The following NHS variants were observed in gnomAD, a reference collection of about 807,000 sequenced individuals.
NHS encodes the protein actin remodeling regulator NHS.
NHS carries 5 observed loss-of-function variants against 72.5 expected under a neutral mutation model. The ratio of observed to expected loss-of-function variants is 0.07; its 90% CI spans 0.04 to 0.14. The LOEUF is 0.14. NHS is among the 10% of genes least tolerant of loss of function. The pLI is 1.00. For missense variants in NHS, 1,072 were observed against 1,355.7 expected (o/e 0.79, Z 3.29); for synonymous variants, 464 against 547.7 (o/e 0.85, Z 2.13).
intron 1 of NHS, among the ~76,000 whole-genome samples, chrX:17,440,885 GT>G (rs1202393806): frequency 9.0e-6 from 1 of 111,435 alleles, no homozygotes. Context: ...AGAGTCAATG[GT>G]GCCATTGTTG....
At chrX:17,540,143 G>A (rs896347157) in intron 1 of NHS, among the ~76,000 whole-genome samples, 2 of 111,894 alleles carry the variant, frequency 1.8e-5, no homozygotes, top group East Asian at 5.6e-4. Context: ...TTTCTCATTC[G>A]TTAATAATCT....
At position 17,697,106 on chromosome X, in the gene NHS, C is replaced by G. The variant is rs140822997; in HGVS notation, c.852+4638C>G. 2.3e-3 allele frequency among the ~76,000 whole-genome samples: 252 copies of G among 111,112 alleles called. 2 individuals are homozygous for G. Among genetic ancestry groups the G allele is most frequent in the Admixed American group, 0.016 (165 of 10,455 alleles). On this transcript the variant is annotated intron_variant, in intron 3 of 8. Transcript: ENST00000676302. ...TAAAAGTATGCATATTTTACAGGAG[C>G]AGTTTTCTCTATATAAAGCTTCTGG...
Position 17,386,381 on chromosome X carries a change from C to T in NHS, c.565+10059C>T, listed in dbSNP as rs757171513. 2.7e-5 allele frequency among the ~76,000 whole-genome samples: 3 copies of T among 111,398 alleles called. No individual in the cohort carries two copies. The East Asian group carries it at 8.5e-4, about 31-fold the overall frequency. On this transcript the variant is annotated intron_variant, in intron 1 of 8. Transcript: ENST00000676302. ...CCTGTCTTTATAAGAATGTCCCAGGCCAGGCGTAGTGGCTCATGCCTCTAA... is the reference window on the plus strand; with the variant it reads ...CCTGTCTTTATAAGAATGTCCCAGGTCAGGCGTAGTGGCTCATGCCTCTAA...
At chrX:17,667,178 A>T (rs1452226501) in intron 1 of NHS, among the ~76,000 whole-genome samples, 1 of 112,559 alleles carries the variant, frequency 8.9e-6, no homozygotes, top group Non-Finnish European at 1.9e-5. Flanking sequence ...AGGCTTTAAT[A>T]TTTATAATCT....
chrX:17,554,022 G>C (rs970552757), intron 1 of NHS, among the ~76,000 whole-genome samples: 5 of 111,893 alleles, frequency 4.5e-5, no homozygotes, highest in African/African-American at 1.3e-4. Flanking sequence ...CTTCATTTTG[G>C]CCATTCTGGT....
intron 1 of NHS, among the ~76,000 whole-genome samples, chrX:17,633,101 G>C (rs2065828094): frequency 9.0e-6 from 1 of 111,371 alleles, no homozygotes; most frequent in Admixed American, 9.5e-5. Context: ...TAGCGGGGGC[G>C]TTGCCCAATT....
intron 1 of NHS, among the ~76,000 whole-genome samples, chrX:17,519,068 T>A (rs1448071056): frequency 8.9e-6 from 1 of 111,965 alleles, no homozygotes; most frequent in Non-Finnish European, 1.9e-5. Context: ...TTCTAGTAAG[T>A]GTTCAATATG....
intron 1 of NHS, among the ~76,000 whole-genome samples, chrX:17,441,812 A>G (rs972846731): frequency 1.8e-5 from 2 of 112,197 alleles, no homozygotes; most frequent in Admixed American, 1.9e-4. Flanking sequence ...AAGGGCCAAA[A>G]TGAGTGAATG....
intron 1 of NHS, among the ~76,000 whole-genome samples, chrX:17,404,274 C>A (rs1439087309): frequency 1.8e-5 from 2 of 111,550 alleles, no homozygotes; most frequent in Admixed American, 9.5e-5. Context: ...GAGGGAGCAC[C>A]AGGGCCAGAG....
At chrX:17,562,604 T>C (rs1020832149) in intron 1 of NHS, among the ~76,000 whole-genome samples, 2 of 111,331 alleles carry the variant, frequency 1.8e-5, no homozygotes, top group African/African-American at 6.5e-5. Flanking sequence ...ATGTAGATTG[T>C]TGGGGAGGAA....
intron 1 of NHS, among the ~76,000 whole-genome samples, chrX:17,507,252 G>A (rs1420261236): frequency 1.8e-5 from 2 of 112,070 alleles, no homozygotes; most frequent in African/African-American, 6.5e-5. Context: ...CTTAGTTCAT[G>A]GATCATTAAC....
intron 1 of NHS, among the ~76,000 whole-genome samples, chrX:17,426,766 C>T (rs113639922): frequency 0.034 from 3,756 of 111,449 alleles, 167 homozygotes; most frequent in African/African-American, 0.12. Context: ...CATGAATGAG[C>T]AGGGTGCCTC....
At chrX:17,552,720 G>A (rs2065342948) in intron 1 of NHS, among the ~76,000 whole-genome samples, 1 of 111,980 alleles carries the variant, frequency 8.9e-6, no homozygotes, top group South Asian at 3.7e-4. Flanking sequence ...GGAAGGCAGA[G>A]CGATGCTCAG....
chrX:17,468,540 A>G (rs745740032), intron 1 of NHS, among the ~76,000 whole-genome samples: 104 of 109,008 alleles, frequency 9.5e-4, no homozygotes, highest in African/African-American at 3.2e-3. Context: ...TCATTTTTTT[A>G]AATGTTTATT....
At chrX:17,542,556 T>G (rs1227263541) in intron 1 of NHS, among the ~76,000 whole-genome samples, 3 of 112,778 alleles carry the variant, frequency 2.7e-5, no homozygotes, top group Non-Finnish European at 5.6e-5. Flanking sequence ...CCTTGCAATT[T>G]TCTTTCTCCA....
intron 1 of NHS, among the ~76,000 whole-genome samples, chrX:17,467,144 T>G (rs896581212): frequency 1.8e-5 from 2 of 112,048 alleles, no homozygotes; most frequent in Non-Finnish European, 3.8e-5. Flanking sequence ...GTGGTATTTC[T>G]GCTCTACCAT....
intron 1 of NHS, among the ~76,000 whole-genome samples, chrX:17,667,508 C>T (rs973050456): frequency 9.0e-6 from 1 of 110,620 alleles, no homozygotes; most frequent in Non-Finnish European, 1.9e-5. Flanking sequence ...GAATGCACGG[C>T]GAGGGCTCTG....
chrX:17,591,631 G>C (rs2065603381), intron 1 of NHS, among the ~76,000 whole-genome samples: 1 of 111,366 alleles, frequency 9.0e-6, no homozygotes, highest in Admixed American at 9.6e-5. Context: ...ATTGCCCGAG[G>C]TGCACCAACT....
intron 1 of NHS, among the ~76,000 whole-genome samples, chrX:17,625,898 T>C (rs2065796158): frequency 8.9e-6 from 1 of 112,075 alleles, no homozygotes; most frequent in Non-Finnish European, 1.9e-5. Flanking sequence ...TTATAGCACA[T>C]CTGAATTCAG....
Sources: gnomAD v4.1 joint callset for allele counts (sites outside exome capture counted in the v4.1 genomes callset) on GRCh38, gnomAD v4.1.1 for gene constraint, MANE v1.5 for transcripts, NCBI Gene and HGNC (gene_info 2026-07-23, HGNC 2026-07-21) for gene names.